Variants in TENM3 observed in about 807,000 individuals in gnomAD.
The protein encoded by TENM3 is teneurin-3.
In TENM3, 63 loss-of-function variants were observed where a neutral mutation model predicts 255.1. The observed-to-expected ratio is 0.25, with a 90% CI of 0.20 to 0.30. The LOEUF (loss-of-function observed/expected upper bound fraction) is 0.30. TENM3 is among the 10% of genes least tolerant of loss of function. TENM3 has a pLI of 1.00. For synonymous variants in TENM3, 1,306 were observed against 1,322.3 expected (o/e 0.99, Z 0.27); for missense variants, 2,929 against 3,461.1 (o/e 0.85, Z 3.86).
the TENM3 span, among the ~76,000 whole-genome samples, chr4:181,829,086 C>T: frequency 6.6e-6 from 1 of 152,174 alleles, no homozygotes; most frequent in Non-Finnish European, 1.5e-5. Context: ...ATCACACGCA[C>T]ACAGGCCTTC....
chr4:181,948,264 A>C, the TENM3 span, among the ~76,000 whole-genome samples: 1 of 152,334 alleles, frequency 6.6e-6, no homozygotes, highest in South Asian at 2.1e-4. Context: ...TAGAGACTAT[A>C]ATGCTTCTAT....
intron 1 of TENM3, among the ~76,000 whole-genome samples, chr4:182,176,534 A>C (rs1752497456): frequency 6.6e-6 from 1 of 152,244 alleles, no homozygotes; most frequent in Admixed American, 6.5e-5. Context: ...TTTGAAAATG[A>C]ATATTCTTTC....
intron 4 of TENM3, among the ~76,000 whole-genome samples, chr4:182,620,481 T>C (rs923110862): frequency 1.3e-4 from 20 of 152,180 alleles, no homozygotes; most frequent in African/African-American, 4.3e-4. Context: ...TGAGACCAAA[T>C]ATTCTCTGCT....
intron 13 of TENM3, among the ~76,000 whole-genome samples, chr4:182,717,255 A>G (rs1426334898): frequency 6.6e-6 from 1 of 152,156 alleles, no homozygotes; most frequent in Non-Finnish European, 1.5e-5. Context: ...CCTTGCCTTC[A>G]TGTATGTCTG....
chr4:182,586,234 G>T (rs115365986), intron 3 of TENM3, among the ~76,000 whole-genome samples: 1 of 152,104 alleles, frequency 6.6e-6, no homozygotes, highest in Non-Finnish European at 1.5e-5. Context: ...TCCAGCCTGG[G>T]CAACACAGCA....
At chr4:181,708,410 T>A in the TENM3 span, among the ~76,000 whole-genome samples, 2 of 152,178 alleles carry the variant, frequency 1.3e-5, no homozygotes, top group African/African-American at 4.8e-5. Flanking sequence ...AATTTTAATG[T>A]TTTATATTAG....
At position 182,714,330 on chromosome 4, in the gene TENM3, A is replaced by C. The variant is rs902089342; in HGVS notation, c.2368+97A>C. The C allele has an allele frequency of 1.0e-5, 10 of 996,006 alleles. 1 individual carries two copies. Among genetic ancestry groups the C allele is most frequent in the Admixed American group, 3.3e-5 (1 of 30,334 alleles). 61.7% of individuals were successfully genotyped at this position (996,006 alleles called of 1,614,324 possible). ...TATCTGTTGCCAAAAAAAAAAAAAAAAAAAAAAAACCTGATCCCCATCGAT... is the reference window on the plus strand; with the variant it reads ...TATCTGTTGCCAAAAAAAAAAAAAACAAAAAAAAACCTGATCCCCATCGAT... On this transcript the variant is annotated intron_variant, in intron 13 of 27. Transcript: ENST00000511685.
chr4:181,976,408 C>G, the TENM3 span: 1 of 152,234 alleles, frequency 6.6e-6, no homozygotes, highest in Non-Finnish European at 1.5e-5. Context: ...CATGGGCCGC[C>G]ATGCCCAGCC....
At chr4:181,778,236 A>G in the TENM3 span, among the ~76,000 whole-genome samples, 49 of 152,262 alleles carry the variant, frequency 3.2e-4, no homozygotes, top group East Asian at 3.9e-3. Context: ...GCAGCAAAAA[A>G]AGGATGGCCT....
chr4:181,517,763 C>A, the TENM3 span, among the ~76,000 whole-genome samples: 1 of 152,190 alleles, frequency 6.6e-6, no homozygotes, highest in Non-Finnish European at 1.5e-5. Context: ...CTCCCACATG[C>A]GGCTTTGCAA....
intron 7 of TENM3, among the ~76,000 whole-genome samples, chr4:182,678,313 A>G (rs1755818227): frequency 6.6e-6 from 1 of 152,148 alleles, no homozygotes. Flanking sequence ...GTTCATGTCT[A>G]ATTTTACTAC....
At chr4:181,731,861 TA>T in the TENM3 span, among the ~76,000 whole-genome samples, 1 of 152,168 alleles carries the variant, frequency 6.6e-6, no homozygotes, top group African/African-American at 2.4e-5. Context: ...TTTTTACGAA[TA>T]AATTTTACAT....
chr4:181,562,417 C>CAGTT, the TENM3 span, among the ~76,000 whole-genome samples: 2 of 152,104 alleles, frequency 1.3e-5, no homozygotes, highest in Admixed American at 6.5e-5. Flanking sequence ...TCCCAAAGCA[C>CAGTT]AGTTGTTCAA....
chr4:181,778,852 T>C, the TENM3 span, among the ~76,000 whole-genome samples: 2 of 152,170 alleles, frequency 1.3e-5, no homozygotes, highest in Admixed American at 6.6e-5. Flanking sequence ...TTGATGAATG[T>C]CCTTATTGGG....
chr4:181,555,539 G>A, the TENM3 span, among the ~76,000 whole-genome samples: 6 of 152,092 alleles, frequency 3.9e-5, no homozygotes, highest in Non-Finnish European at 7.4e-5. Flanking sequence ...TTCAATATAA[G>A]CAAGTTAGTG....
chr4:182,723,127 T>C (rs1407306836), intron 13 of TENM3, among the ~76,000 whole-genome samples: 1 of 152,170 alleles, frequency 6.6e-6, no homozygotes, highest in African/African-American at 2.4e-5. Context: ...TTGGTGGCTT[T>C]GTAGTTCAGG....
chr4:181,924,745 C>G, the TENM3 span, among the ~76,000 whole-genome samples: 1 of 152,178 alleles, frequency 6.6e-6, no homozygotes, highest in Admixed American at 6.6e-5. Context: ...TATTGGCTCT[C>G]TTTCTCCTCC....
intron 3 of TENM3, among the ~76,000 whole-genome samples, chr4:182,483,904 C>A: frequency 6.6e-6 from 1 of 152,122 alleles, no homozygotes. Flanking sequence ...CACTCACTAT[C>A]ACAAGAACGA....
At chr4:182,771,503 G>GC (rs561972348) in intron 22 of TENM3, among the ~76,000 whole-genome samples, 4 of 148,754 alleles carry the variant, frequency 2.7e-5, no homozygotes, top group South Asian at 2.2e-4. Context: ...TGAAATGGGG[G>GC]GGGGGGAAAT....
Sources: gnomAD v4.1 joint callset for allele counts (sites outside exome capture counted in the v4.1 genomes callset) on GRCh38, gnomAD v4.1.1 for gene constraint, MANE v1.5 for transcripts, NCBI Gene and HGNC (gene_info 2026-07-23, HGNC 2026-07-21) for gene names.